The following TPCN2 variants were observed in gnomAD, a reference collection of about 807,000 sequenced individuals.
The protein encoded by TPCN2 is two pore channel protein 2.
In TPCN2, 92 loss-of-function variants were observed where a neutral mutation model predicts 111.4. That is an observed-to-expected ratio of 0.83 (90% CI 0.70 to 0.98). TPCN2 has a LOEUF of 0.98. Among genes scored for constraint, TPCN2 ranks in the 50% least tolerant of loss-of-function variants. The pLI is 0.00. For missense variants in TPCN2, 995 were observed against 980.1 expected (o/e 1.02, Z -0.20); for synonymous variants, 405 against 414.5 (o/e 0.98, Z 0.28).
At chr11:69,070,805 A>G (rs1416424438) in intron 9 of TPCN2, among the ~76,000 whole-genome samples, 1 of 139,828 alleles carries the variant, frequency 7.2e-6, no homozygotes, top group Non-Finnish European at 1.5e-5. Context: ...TCCCCCACCA[A>G]CAGCTTCACC....
intron 5 of TPCN2, among the ~76,000 whole-genome samples, chr11:69,060,291 G>A (rs1854962230): frequency 6.6e-6 from 1 of 152,228 alleles, no homozygotes; most frequent in Non-Finnish European, 1.5e-5. Flanking sequence ...GCTGAAATGT[G>A]CGTGTGTGTG....
Position 69,085,842 on chromosome 11 carries a change from C to T in TPCN2, c.1921-6C>T, listed in dbSNP as rs1478015649. 1 of 1,614,046 alleles carries T rather than the reference C, an allele frequency of 6.2e-7. No individual in the cohort carries two copies. The highest frequency in any genetic ancestry group is 1.3e-5 in the African/African-American group (1 of 74,932). On this transcript the variant is annotated splice_polypyrimidine_tract_variant and splice_region_variant and intron_variant, in intron 21 of 24. Coordinates refer to ENST00000294309, the MANE Select transcript of TPCN2 (RefSeq NM_139075.4). ...CCTCCTGGACCGCTGGTCTCTGCCC[C>T]CGCAGGCTGCCCTGGTCACTCTGTG...
chr11:69,049,204 C>T (rs1590696299), intron 1 of TPCN2, 98 bp downstream of exon 1: 2 of 841,216 alleles, frequency 2.4e-6, no homozygotes, highest in East Asian at 3.4e-5. Flanking sequence ...CCGGGCGCGC[C>T]CCCACCAGGT....
rs112645900 is a variant in TPCN2 at position 69,070,198 on chromosome 11, T to C, written c.830-232T>C. ...AGCCACCACACCTGGCTAATTTTTG[T>C]ATTTTTAGTAGAGATGGAGTTTTAC... On this transcript the variant is annotated intron_variant, in intron 8 of 24. Transcript: ENST00000294309. Among the ~76,000 whole-genome samples the C allele has an allele frequency of 1.2e-4, 19 of 152,142 alleles. 1 individual carries two copies. Among genetic ancestry groups the C allele is most frequent in the African/African-American group, 4.3e-4 (18 of 41,498 alleles).
chr11:69,070,183 C>T (rs1002212878), intron 8 of TPCN2, among the ~76,000 whole-genome samples: 21 of 152,118 alleles, frequency 1.4e-4, no homozygotes, highest in Admixed American at 2.6e-4. Context: ...AGCCACCACA[C>T]CTGGCTAATT....
chr11:69,087,924 C>G lies in TPCN2; in HGVS notation c.2230C>G (p.Gln744Glu), dbSNP rs750318404. ...GEDELTERLSQHPHLWLCR is the reference protein window; with the variant it reads ...GEDELTERLSEHPHLWLCR ...GGATGAGCTCACAGAGAGGCTGAGC[C>G]AGCACCCGCACCTGTGGCTGTGCAG... The change falls in exon 25 of 25, where the codon CAG becomes GAG. Residue 744 changes from glutamine (Q) to glutamate (E), a missense_variant. Coordinates refer to ENST00000294309, the MANE Select transcript of TPCN2 (RefSeq NM_139075.4). 1 of 1,611,662 alleles carries G rather than the reference C, an allele frequency of 6.2e-7. No individual in the cohort carries two copies. Among genetic ancestry groups the G allele is most frequent in the African/African-American group, 1.3e-5 (1 of 74,884 alleles).
intron 13 of TPCN2, among the ~76,000 whole-genome samples, chr11:69,077,176 G>A (rs375767992): frequency 2.8e-4 from 8 of 28,874 alleles, no homozygotes; most frequent in East Asian, 8.2e-4. Context: ...CCCTCCTGCC[G>A]TGTCCCTTCA....
Position 69,054,938 on chromosome 11 carries a change from C to T in TPCN2, c.251+141C>T. 9.7e-6 allele frequency: 9 copies of T among 926,166 alleles called. No homozygotes were observed. The South Asian group carries it at 1.1e-4, about 11-fold the overall frequency. The allele number at this position is 926,166 out of a possible 1,614,324, so 57.4% of individuals were successfully genotyped here. A position where few individuals can be genotyped will look rare whatever the true frequency, so the allele number is the denominator to read the frequency against. ...GATAGGGCGGTTACCATCATCCTCT[C>T]TGGAAAGGAGACGGCCTGTGATGGC... is the stretch of plus-strand genomic sequence containing the variant. On this transcript the variant is annotated intron_variant, in intron 3 of 24. Transcript: ENST00000294309.
At chr11:69,076,026 TCTGGGTTAAACAGA>T (rs1414231747) in intron 13 of TPCN2, among the ~76,000 whole-genome samples, 1 of 152,132 alleles carries the variant, frequency 6.6e-6, no homozygotes, top group East Asian at 1.9e-4. Flanking sequence ...AAGGTGTCCG[TCTGGGTTAAACAGA>T]AAGTGTCATG....
Position 69,054,783 on chromosome 11 carries a change from G to A in TPCN2, c.237G>A (p.Ser79=), listed in dbSNP as rs753904192. 4.9e-5 allele frequency: 79 copies of A among 1,613,990 alleles called. No individual in the cohort carries two copies. Among genetic ancestry groups the A allele is most frequent in the Admixed American group, 3.3e-5 (2 of 60,000 alleles). The part of the protein sequence containing the change: ...SSMWLYRRYY[S]NVCQRTLSFT... ...TGTGGCTTTACCGACGGTATTACTCGAACGTATGCCAACGGTGAGAACGCA... is the reference window on the plus strand; with the variant it reads ...TGTGGCTTTACCGACGGTATTACTCAAACGTATGCCAACGGTGAGAACGCA... Residue 79 remains serine (S), a synonymous_variant, in exon 3 of 25, where the codon TCG becomes TCA. Coordinates refer to ENST00000294309, the MANE Select transcript of TPCN2 (RefSeq NM_139075.4).
Position 69,087,873 on chromosome 11 carries a change from A to G in TPCN2, c.2181-2A>G, listed in dbSNP as rs1311702112. 1.2e-6 allele frequency: 2 copies of G among 1,612,304 alleles called. No individual in the cohort carries two copies. The highest frequency in any genetic ancestry group is 2.2e-5 in the East Asian group (1 of 44,840). On this transcript the variant is annotated splice_acceptor_variant, in intron 24 of 24. Coordinates refer to ENST00000294309, the MANE Select transcript of TPCN2 (RefSeq NM_139075.4). LOFTEE classifies it high-confidence loss of function. ...TGTGTGCATCTTTCCTCAATTCCAC[A>G]GGGATATTCTGGAGGAGCCCGGGGA... is the stretch of plus-strand genomic sequence containing the variant.
At chr11:69,081,173 TG>T (rs1195557187) in intron 17 of TPCN2, among the ~76,000 whole-genome samples, 1 of 151,854 alleles carries the variant, frequency 6.6e-6, no homozygotes, top group African/African-American at 2.4e-5. Context: ...GTTGGGGGGA[TG>T]GGGGTCGCTC....
At chr11:69,078,678 G>A in intron 14 of TPCN2, 56 bp from the exon 15 acceptor site, 3 of 1,613,396 alleles carry the variant, frequency 1.9e-6, no homozygotes, top group Non-Finnish European at 2.5e-6. Context: ...TGCCCCTCCT[G>A]CCTCGCCCAG....
Position 69,071,992 on chromosome 11 carries a change from A to G in TPCN2, c.1030A>G (p.Met344Val), listed in dbSNP as rs776419681. 39 of 1,613,710 alleles carry G rather than the reference A, an allele frequency of 2.4e-5. No individual in the cohort carries two copies. The East Asian group carries it at 5.3e-4, about 22-fold the overall frequency. The change falls in exon 11 of 25, where the codon ATG (methionine) becomes GTG (valine). Residue 344 changes from methionine to valine, a missense_variant. Coordinates refer to ENST00000294309, the MANE Select transcript of TPCN2 (RefSeq NM_139075.4). The part of the protein sequence containing the change: ...TRAAFEVLSS[M>V]VGEGGAFPQA... ...GGCTGCCTTTGAAGTCCTATCCTCCATGGTGGGGGAGGGAGGAGCCTTCCC... is the reference window on the plus strand; with the variant it reads ...GGCTGCCTTTGAAGTCCTATCCTCCGTGGTGGGGGAGGGAGGAGCCTTCCC...
chr11:69,075,726 G>A (rs918743854), intron 13 of TPCN2, among the ~76,000 whole-genome samples: 18 of 152,218 alleles, frequency 1.2e-4, no homozygotes, highest in Middle Eastern at 6.3e-3. Context: ...GCGTCAGCCT[G>A]GCCGTGGCCA....
chr11:69,082,447 G>GT (rs1379175202), intron 18 of TPCN2, among the ~76,000 whole-genome samples: 2 of 152,282 alleles, frequency 1.3e-5, no homozygotes, highest in Non-Finnish European at 2.9e-5. Flanking sequence ...CCGCATCACC[G>GT]TATGCACAGA....
intron 22 of TPCN2, 40 bp downstream of exon 22, chr11:69,085,970 A>G: frequency 6.3e-7 from 1 of 1,584,250 alleles, no homozygotes; most frequent in Non-Finnish European, 8.6e-7. Context: ...TTCTCCGTGC[A>G]GCCTGGGGGT....
intron 6 of TPCN2, 82 bp from the exon 7 acceptor site, chr11:69,063,813 C>T: frequency 1.4e-6 from 2 of 1,382,552 alleles, no homozygotes; most frequent in South Asian, 2.4e-5. Context: ...TTGGGCGCTC[C>T]TGTCACCGAG....
intron 7 of TPCN2, among the ~76,000 whole-genome samples, chr11:69,065,064 A>G (rs111806295): frequency 6.2e-4 from 9 of 14,526 alleles, no homozygotes; most frequent in South Asian, 3.6e-3. Flanking sequence ...TGGTGTGTCT[A>G]TGTGTGCATG....
Sources: allele counts gnomAD v4.1 joint callset (sites outside exome capture counted in the v4.1 genomes callset), GRCh38; gene constraint gnomAD v4.1.1; transcripts MANE v1.5; gene names NCBI Gene and HGNC (gene_info 2026-07-23, HGNC 2026-07-21).